RARB: variants seen among roughly 807,000 people sequenced by gnomAD.
RARB encodes the protein retinoic acid receptor beta, also known as HBV-activated protein.
RARB carries 17 observed loss-of-function variants against 51.9 expected under a neutral mutation model. The ratio of observed to expected loss-of-function variants is 0.33; its 90% confidence interval spans 0.22 to 0.49. The LOEUF is 0.49. Ranked by LOEUF, RARB falls within the 20% of genes least tolerant of loss-of-function variation. The pLI is 0.99. For missense variants in RARB, 369 were observed against 550.8 expected, an observed-to-expected ratio of 0.67 and a Z score of 3.30; for synonymous variants, 215 against 195.4, an observed-to-expected ratio of 1.10 and a Z score of -0.84.
rs142941082 is a variant in RARB, at chr3:24,886,979, A to G, written c.-380+28227A>G. Among the ~76,000 whole-genome samples the G allele has an allele frequency of 7.5e-3, 1,137 of 152,338 alleles. 6 individuals carry two copies. The highest frequency in any genetic ancestry group is 0.026 in the African/African-American group (1,080 of 41,580). ...ATACAAACTTTTAATAAAACATTGT[A>G]TTAATAGTTTGAAAAGTATTTCTCA... On this transcript the variant is annotated intron_variant, in intron 2 of 11. Coordinates refer to the RARB transcript ENST00000383772.
At chr3:24,958,205 T>TA (rs1040337012) in intron 2 of RARB, among the ~76,000 whole-genome samples, 20 of 139,424 alleles carry the variant, frequency 1.4e-4, no homozygotes, top group Middle Eastern at 4.2e-3. Context: ...TTGGACGTGT[T>TA]AAAAAATCAC....
In RARB at chr3:25,167,283, T is replaced by C. The variant is rs1205103725; in HGVS notation, c.-279-6836T>C. On this transcript the variant is annotated intron_variant, in intron 4 of 11. Transcript: ENST00000383772. ...TAATGGATTAAAAGACGTGCACTTT[T>C]TCCTGTTCTCAAATCTTCACTAAAA... is the stretch of plus-strand genomic sequence containing the variant. Among the ~76,000 whole-genome samples, 3 of 152,244 alleles carry C rather than the reference T, an allele frequency of 2.0e-5. 1 individual carries two copies. Among genetic ancestry groups the C allele is most frequent in the Admixed American group, 1.3e-4 (2 of 15,282 alleles).
chr3:24,907,830 A>G (rs184214873), intron 2 of RARB, among the ~76,000 whole-genome samples: 1 of 152,298 alleles, frequency 6.6e-6, no homozygotes, highest in East Asian at 1.9e-4. Flanking sequence ...TATAGAAATG[A>G]ACTTAATATA....
intron 5 of RARB, among the ~76,000 whole-genome samples, chr3:25,419,869 T>G (rs1206170829): frequency 2.6e-5 from 4 of 152,208 alleles, no homozygotes; most frequent in Non-Finnish European, 1.5e-5. Context: ...GAATTATCTT[T>G]GCTTATCTTT....
chr3:25,062,852 A>G (rs951393938), intron 3 of RARB, among the ~76,000 whole-genome samples: 2 of 152,026 alleles, frequency 1.3e-5, no homozygotes, highest in Admixed American at 1.3e-4. Flanking sequence ...CCATTGTGAC[A>G]GTTGCAAAAT....
rs921462016 is a variant in RARB, at chr3:25,584,344, G to A, written c.786+3622G>A. On this transcript the variant is annotated intron_variant, in intron 5 of 7. Transcript: ENST00000330688. ...CAAGCAGATACGTGGATTAGACAGC[G>A]TCTTACATGCAACAGAGGAGAACAG... Among the ~76,000 whole-genome samples the A allele has an allele frequency of 5.9e-5, 9 of 152,216 alleles. No homozygotes were observed. The South Asian group carries it at 6.2e-4, about 10-fold the overall frequency.
intron 2 of RARB, among the ~76,000 whole-genome samples, chr3:25,496,360 C>G (rs973163259): frequency 6.6e-6 from 1 of 152,210 alleles, no homozygotes; most frequent in African/African-American, 2.4e-5. Flanking sequence ...ACTGTACTGT[C>G]TTAGTTCCAG....
intron 2 of RARB, among the ~76,000 whole-genome samples, chr3:24,962,643 A>C (rs773940719): frequency 6.6e-5 from 10 of 152,286 alleles, no homozygotes; most frequent in Admixed American, 2.0e-4. Context: ...ATAGGAGCAC[A>C]AACCCTATCA....
At chr3:25,544,000 A>C (rs1306921146) in intron 3 of RARB, among the ~76,000 whole-genome samples, 1 of 152,232 alleles carries the variant, frequency 6.6e-6, no homozygotes, top group Non-Finnish European at 1.5e-5. Flanking sequence ...AGCATTATTT[A>C]TGCTAGCATA....
rs530361094 is a variant in RARB, at chr3:25,066,287, A to G, written c.-328+6111A>G. Among the ~76,000 whole-genome samples, 66 of 152,314 alleles carry G rather than the reference A, an allele frequency of 4.3e-4. 1 individual carries two copies. The Middle Eastern group carries it at 0.01, about 24-fold the overall frequency. ...TTTTGATGACTTGAATTGGTTGACT[A>G]GGATGTCAATGTCTGGTACTCATCA... On this transcript the variant is annotated intron_variant, in intron 3 of 11. Transcript: ENST00000383772.
At chr3:25,113,711 A>G (rs899131205) in intron 3 of RARB, among the ~76,000 whole-genome samples, 3 of 152,136 alleles carry the variant, frequency 2.0e-5, no homozygotes, top group African/African-American at 4.8e-5. Flanking sequence ...GCTGGGATAT[A>G]GACAACTGGG....
In RARB at chr3:24,867,131, G is replaced by T. The variant is rs576600095; in HGVS notation, c.-380+8379G>T. The stretch of plus-strand genomic sequence containing the variant: ...GGGAAGTTTATATTTTTGACCTCTG[G>T]AATTATGGCTGGCAATTGTTTATGT... On this transcript the variant is annotated intron_variant, in intron 2 of 11. Coordinates refer to the RARB transcript ENST00000383772. Among the ~76,000 whole-genome samples the T allele has an allele frequency of 7.9e-5, 12 of 152,192 alleles. 1 individual carries two copies. In the South Asian group the frequency reaches 2.3e-3, roughly 29 times the overall value.
At chr3:25,025,554 A>G (rs147507700) in intron 2 of RARB, among the ~76,000 whole-genome samples, 110 of 152,120 alleles carry the variant, frequency 7.2e-4, no homozygotes, top group Non-Finnish European at 1.3e-3. Context: ...ACTATAAGTT[A>G]CAGTAGTTAT....
chr3:25,145,977 G>A (rs1700182359), intron 4 of RARB, among the ~76,000 whole-genome samples: 1 of 151,050 alleles, frequency 6.6e-6, no homozygotes, highest in South Asian at 2.1e-4. Flanking sequence ...ACTTCAGCCT[G>A]GGCAACAAAG....
intron 5 of RARB, among the ~76,000 whole-genome samples, chr3:25,184,007 A>T (rs866104585): frequency 6.6e-6 from 1 of 152,098 alleles, no homozygotes; most frequent in Non-Finnish European, 1.5e-5. Flanking sequence ...CACCACATTA[A>T]ACTTTACTAA....
chr3:25,526,733 A>G (rs11925211), intron 3 of RARB, among the ~76,000 whole-genome samples: 3,161 of 152,230 alleles, frequency 0.021, 108 homozygotes, highest in African/African-American at 0.073. Flanking sequence ...CTGGCTTCCA[A>G]TGCAATTCTG....
intron 1 of RARB, among the ~76,000 whole-genome samples, 185 bp from the exon 2 acceptor site, chr3:25,461,008 T>C (rs925140853): frequency 6.6e-6 from 1 of 152,178 alleles, no homozygotes; most frequent in African/African-American, 2.4e-5. Flanking sequence ...TTGTAAACCG[T>C]AGAGTACCAC....
chr3:25,425,949 T>C (rs143165352), upstream of RARB, among the ~76,000 whole-genome samples: 1 of 152,204 alleles, frequency 6.6e-6, no homozygotes. Context: ...TGATGCCATG[T>C]TTCTCATCTC....
Position 24,886,134 on chromosome 3 carries a change from A to G in RARB, c.-380+27382A>G, listed in dbSNP as rs554367917. ...CTGTAGAATATTCCCTGCTAACCAT[A>G]GCTAAGGCTGGAAAACACTATTTTC... is the stretch of plus-strand genomic sequence containing the variant. On this transcript the variant is annotated intron_variant, in intron 2 of 11. Transcript: ENST00000383772. Among the ~76,000 whole-genome samples the G allele has an allele frequency of 1.1e-4, 17 of 152,284 alleles. No homozygotes were observed. In the South Asian group the frequency reaches 1.7e-3, roughly 15 times the overall value.
Sources: allele counts gnomAD v4.1 joint callset (sites outside exome capture counted in the v4.1 genomes callset), GRCh38; gene constraint gnomAD v4.1.1; transcripts MANE v1.5; gene names NCBI Gene and HGNC (gene_info 2026-07-23, HGNC 2026-07-21).